The following COL6A3 variants were observed in gnomAD, a reference collection of about 807,000 sequenced individuals.
COL6A3 encodes collagen alpha-3(VI) chain.
Under a neutral mutation model 274.1 loss-of-function variants are expected in COL6A3, and 137 were observed. The ratio of observed to expected loss-of-function variants is 0.50; its 90% confidence interval spans 0.44 to 0.58. The LOEUF is 0.58. Among genes scored for constraint, COL6A3 ranks in the 20% least tolerant of loss-of-function variants. COL6A3 has a pLI of 0.00. For missense variants in COL6A3, 3,950 were observed against 4,124.9 expected (o/e 0.96, Z 1.16); for synonymous variants, 1,650 against 1,650.6 (o/e 1.00, Z 0.01).
At chr2:237,388,714 G>T (rs1028906923) in intron 3 of COL6A3, among the ~76,000 whole-genome samples, 2 of 152,210 alleles carry the variant, frequency 1.3e-5, no homozygotes, top group African/African-American at 2.4e-5. Context: ...CCAGTATGTT[G>T]CTGGATGCCT....
chr2:237,377,870 G>A (rs2077892812), intron 6 of COL6A3, among the ~76,000 whole-genome samples: 1 of 152,196 alleles, frequency 6.6e-6, no homozygotes, highest in Admixed American at 6.5e-5. Context: ...CCACAATAGT[G>A]CCCATTACTG....
intron 1 of COL6A3, among the ~76,000 whole-genome samples, chr2:237,409,533 TTTTGTTTGTTTG>T (rs57264738): frequency 6.6e-6 from 1 of 151,904 alleles, no homozygotes; most frequent in East Asian, 1.9e-4. Flanking sequence ...TTTTTGTTTT[TTTTGTTTGTTTG>T]TTTGTTTGTT....
intron 4 of COL6A3, among the ~76,000 whole-genome samples, chr2:237,383,104 C>G (rs139629602): frequency 1.3e-5 from 2 of 152,286 alleles, no homozygotes; most frequent in African/African-American, 4.8e-5. Flanking sequence ...CAGCCTAGAA[C>G]ACATTTTTGA....
intron 28 of COL6A3, among the ~76,000 whole-genome samples, chr2:237,349,721 A>G (rs997866349): frequency 6.6e-6 from 1 of 152,242 alleles, no homozygotes; most frequent in Non-Finnish European, 1.5e-5. Flanking sequence ...TTCTATTCCT[A>G]AGATGTCTCA....
chr2:237,406,581 C>T (rs1366411118), intron 1 of COL6A3, among the ~76,000 whole-genome samples: 4 of 152,162 alleles, frequency 2.6e-5, no homozygotes, highest in African/African-American at 9.7e-5. Context: ...CTTGCCTTTG[C>T]CACGCCCATT....
Position 237,371,971 on chromosome 2 carries a change from T to C in COL6A3, c.4046A>G (p.Asp1349Gly). 1 of 1,614,076 alleles carries C rather than the reference T, an allele frequency of 6.2e-7. No individual in the cohort carries two copies. The highest frequency in any genetic ancestry group is 8.5e-7 in the Non-Finnish European group (1 of 1,180,006). ...FLVLISSGKS[D>G]DEVDDPAVEL... ...CACCGCCGGGTCGTCCACCTCATCG[T>C]CAGACTTTCCAGACGAGATGAGGAC... Residue 1349 changes from aspartate (D) to glycine (G), a missense_variant, in exon 9 of 44, where the codon GAC becomes GGC. Around this residue, in one of 5 missense-constraint regions of COL6A3, gnomAD observed 1,934 missense variants for 1,984.3 expected, o/e 0.97. Transcript: ENST00000295550. This position sits in a 1 kb window ranked among gnomAD's most constrained non-coding sequence, Gnocchi z 4.3.
intron 3 of COL6A3, among the ~76,000 whole-genome samples, chr2:237,391,041 G>A (rs1179809421): frequency 6.6e-6 from 1 of 152,198 alleles, no homozygotes; most frequent in Non-Finnish European, 1.5e-5. Context: ...CTATGGGGAA[G>A]TTACCCAGCA....
intron 11 of COL6A3, among the ~76,000 whole-genome samples, 196 bp from the exon 12 acceptor site, chr2:237,366,231 G>C (rs1225678175): frequency 6.6e-6 from 1 of 152,150 alleles, no homozygotes; most frequent in Non-Finnish European, 1.5e-5. Context: ...GTAGCTGTTA[G>C]GTGCCAAATA....
Position 237,364,188 on chromosome 2 carries a change from C to T in COL6A3, c.5917+162G>A, listed in dbSNP as rs908491243. 3.9e-5 allele frequency among the ~76,000 whole-genome samples: 6 copies of T among 152,170 alleles called. No individual in the cohort carries two copies. Among genetic ancestry groups the T allele is most frequent in the African/African-American group, 1.4e-4 (6 of 41,432 alleles). On this transcript the variant is annotated intron_variant, in intron 13 of 43. Transcript: ENST00000295550. This position sits in a 1 kb window ranked among gnomAD's most constrained non-coding sequence, Gnocchi z 4.6. ...TTTTTGTTAGCTCCATCCCACAGCT[C>T]CAAGCAGGTGATGAAGGGCCACAAC...
At chr2:237,362,324 G>C (rs538733093) in intron 14 of COL6A3, among the ~76,000 whole-genome samples, 1 of 152,322 alleles carries the variant, frequency 6.6e-6, no homozygotes, top group South Asian at 2.1e-4. Context: ...CAGCCATGGT[G>C]GGAGCAGGCA....
intron 39 of COL6A3, among the ~76,000 whole-genome samples, chr2:237,338,588 C>A (rs1700665053): frequency 6.6e-6 from 1 of 151,984 alleles, no homozygotes; most frequent in Non-Finnish European, 1.5e-5. Flanking sequence ...CATGGCGAAA[C>A]CCCATCTCTA....
chr2:237,365,848 G>A lies in COL6A3; in HGVS notation c.5688C>T (p.Gly1896=), dbSNP rs147896953. 6.2e-7 allele frequency: 1 copy of A among 1,614,090 alleles called. No individual in the cohort carries two copies. The highest frequency in any genetic ancestry group is 1.3e-5 in the African/African-American group (1 of 74,934). The change falls in exon 12 of 44, where the codon GGC becomes GGT. Residue 1896 remains glycine, a synonymous_variant. Transcript: ENST00000295550. ...CGTCAAAGTCAAAGGCCTCCACCGG[G>A]CCCGAGGGCGTGTTGGCCACCACTG... ...RVSVVANTPS[G]PVEAFDFDEY...
At chr2:237,392,408 G>C (rs893583324) in intron 3 of COL6A3, among the ~76,000 whole-genome samples, 2 of 152,156 alleles carry the variant, frequency 1.3e-5, no homozygotes, top group Non-Finnish European at 2.9e-5. Flanking sequence ...TTCTTCTGCT[G>C]TCCCTCCGAT....
chr2:237,412,893 T>G (rs2078891297), intron 1 of COL6A3, among the ~76,000 whole-genome samples: 1 of 152,150 alleles, frequency 6.6e-6, no homozygotes, highest in Admixed American at 6.5e-5. Flanking sequence ...GACTCCCCTG[T>G]GCTCAGAGGG....
Position 237,357,475 on chromosome 2 carries a change from A to C in COL6A3, c.6538-84T>G, listed in dbSNP as rs73998888. ...AAATGCTGCACAAGACATTGCAGGG[A>C]AAGGGGTCGATTCACAGAGGAAGAG... On this transcript the variant is annotated intron_variant, in intron 22 of 43. Transcript: ENST00000295550. The C allele has an allele frequency of 2.9e-3, 3,727 of 1,269,968 alleles. 81 individuals carry two copies. The African/African-American group carries it at 0.048, about 16-fold the overall frequency. 78.7% of individuals were successfully genotyped at this position (1,269,968 alleles called of 1,614,324 possible). A position where few individuals can be genotyped will look rare whatever the true frequency, so the allele number is the denominator to read the frequency against.
intron 40 of COL6A3, among the ~76,000 whole-genome samples, chr2:237,335,928 C>G (rs773868141): frequency 3.1e-4 from 47 of 152,302 alleles, no homozygotes; most frequent in Middle Eastern, 3.4e-3. Flanking sequence ...GCTTCCCATC[C>G]CTATCGCAAG....
chr2:237,366,706 AC>A lies in COL6A3; in HGVS notation c.5480del (p.Gly1827ValfsTer2), dbSNP rs777304794. On this transcript the variant is annotated frameshift_variant, in exon 11 of 44. Coordinates refer to ENST00000295550, the MANE Select transcript of COL6A3 (RefSeq NM_004369.4). LOFTEE classifies it high-confidence loss of function. ...AGTTACCTTTGGCAGCATCAGTTACACCAGGGCAAAGGGTTTCATGCATCGC... is the reference window on the plus strand; with the variant it reads ...AGTTACCTTTGGCAGCATCAGTTACACAGGGCAAAGGGTTTCATGCATCGC... Reference protein sequence around the residue: ...HDAMHETLCPGVTDAAKACNL... With the variant: ...HDAMHETLCPXVTDAAKACNL... The A allele has an allele frequency of 2.5e-6, 4 of 1,614,146 alleles. No individual in the cohort carries two copies. The highest frequency in any genetic ancestry group is 1.3e-5 in the African/African-American group (1 of 74,944).
intron 24 of COL6A3, among the ~76,000 whole-genome samples, chr2:237,354,177 G>A (rs776158690): frequency 1.3e-5 from 2 of 151,828 alleles, no homozygotes; most frequent in Admixed American, 1.3e-4. Flanking sequence ...GCACCACCAC[G>A]CCTGGCTATT....
intron 42 of COL6A3, among the ~76,000 whole-genome samples, chr2:237,331,781 A>C (rs1174859375): frequency 6.6e-6 from 1 of 151,474 alleles, no homozygotes; most frequent in African/African-American, 2.4e-5. Context: ...ACACATATGC[A>C]TGTGTACACA....
Sources: gnomAD v4.1 joint callset for allele counts (sites outside exome capture counted in the v4.1 genomes callset) on GRCh38, gnomAD v4.1.1 for gene constraint, gnomAD v4.1.1 regional missense constraint, Gnocchi (gnomAD v3.1) non-coding constraint, MANE v1.5 for transcripts, NCBI Gene and HGNC (gene_info 2026-07-23, HGNC 2026-07-21) for gene names.